The following SPMAP2 variants were observed in gnomAD, a reference collection of about 807,000 sequenced individuals.
The protein encoded by SPMAP2 is sperm microtubule associated protein 2.
chr19:372,669 C>A, the SPMAP2 span: 1 of 1,614,080 alleles, frequency 6.2e-7, no homozygotes, highest in Non-Finnish European at 8.5e-7. Context: ...ATCTCTTGGG[C>A]CGAGACAGTT....
At chr19:371,282 A>G in the SPMAP2 span, 1 of 1,512,794 alleles carries the variant, frequency 6.6e-7, no homozygotes. Context: ...GACGCTCTGT[A>G]TTCCAGGGAG....
the SPMAP2 span, chr19:362,461 C>G: frequency 1.3e-6 from 2 of 1,513,434 alleles, no homozygotes; most frequent in Non-Finnish European, 1.8e-6. Context: ...AGCACTGAAG[C>G]TCAAACCTCA....
chr19:369,663 G>A, the SPMAP2 span, among the ~76,000 whole-genome samples: 13 of 152,270 alleles, frequency 8.5e-5, no homozygotes, highest in Admixed American at 2.0e-4. Context: ...GCTTTTAATC[G>A]CCTGGTGCAG....
At chr19:366,849 C>G in the SPMAP2 span, among the ~76,000 whole-genome samples, 2 of 152,210 alleles carry the variant, frequency 1.3e-5, no homozygotes, top group Non-Finnish European at 2.9e-5. Flanking sequence ...TCTCTGGTTC[C>G]TGCTCTGCAC....
the SPMAP2 span, among the ~76,000 whole-genome samples, chr19:368,073 A>G: frequency 6.6e-5 from 10 of 152,060 alleles, no homozygotes; most frequent in African/African-American, 2.2e-4. This position sits in a 1 kb window ranked among gnomAD's most constrained non-coding sequence, Gnocchi z 4.1. Context: ...CCCCAAATCA[A>G]TTCTCAGCAG....
the SPMAP2 span, among the ~76,000 whole-genome samples, chr19:366,364 G>C: frequency 7.7e-3 from 1,167 of 152,264 alleles, 31 homozygotes; most frequent in East Asian, 0.079. Context: ...GTGCGTGCGT[G>C]TACCAGTGTA....
the SPMAP2 span, among the ~76,000 whole-genome samples, chr19:363,149 G>A: frequency 1.3e-5 from 2 of 152,178 alleles, no homozygotes; most frequent in African/African-American, 4.8e-5. Context: ...GCATAACCCT[G>A]TGACTGTACT....
chr19:362,272 G>C, the SPMAP2 span: 2 of 1,596,246 alleles, frequency 1.3e-6, no homozygotes, highest in Non-Finnish European at 1.7e-6. Flanking sequence ...TAGAGGCGAG[G>C]GGACGCCTGT....
chr19:375,501 C>T, the SPMAP2 span, among the ~76,000 whole-genome samples: 2 of 152,176 alleles, frequency 1.3e-5, no homozygotes, highest in East Asian at 3.9e-4. Context: ...CAAGCCCACA[C>T]CTAGGCTGAC....
the SPMAP2 span, chr19:374,233 C>T: frequency 6.3e-7 from 1 of 1,592,382 alleles, no homozygotes; most frequent in South Asian, 1.1e-5. Context: ...CAGGAGGAGC[C>T]CGGGAAGGGT....
At chr19:375,361 C>T in the SPMAP2 span, among the ~76,000 whole-genome samples, 1 of 152,170 alleles carries the variant, frequency 6.6e-6, no homozygotes, top group East Asian at 1.9e-4. Flanking sequence ...ACTCTGAACT[C>T]TGGGCACCTG....
At chr19:375,575 C>T in the SPMAP2 span, 1 of 1,363,746 alleles carries the variant, frequency 7.3e-7, no homozygotes. Context: ...ACCCTTTCGC[C>T]CGCCCAGGGG....
chr19:366,673 G>T, the SPMAP2 span, among the ~76,000 whole-genome samples: 1 of 152,186 alleles, frequency 6.6e-6, no homozygotes, highest in Non-Finnish European at 1.5e-5. Flanking sequence ...CAGGAAACTG[G>T]GAAAACGATA....
chr19:375,818 G>T, the SPMAP2 span: 3 of 1,607,918 alleles, frequency 1.9e-6, no homozygotes, highest in East Asian at 6.7e-5. Flanking sequence ...GCTCTGCATT[G>T]TCCAGGTCCT....
chr19:366,191 C>T, the SPMAP2 span, among the ~76,000 whole-genome samples: 3 of 151,970 alleles, frequency 2.0e-5, no homozygotes, highest in South Asian at 2.1e-4. Context: ...CTCAACCCTC[C>T]GTCATTCTCT....
At chr19:364,849 T>C in the SPMAP2 span, among the ~76,000 whole-genome samples, 1 of 152,102 alleles carries the variant, frequency 6.6e-6, no homozygotes, top group East Asian at 1.9e-4. Flanking sequence ...CCACCGAGTC[T>C]GGCATAGCAG....
chr19:374,844 G>A, the SPMAP2 span, among the ~76,000 whole-genome samples: 3 of 152,272 alleles, frequency 2.0e-5, no homozygotes, highest in African/African-American at 7.2e-5. Flanking sequence ...AAAGCTCACA[G>A]ACTGTGGGAG....
At chr19:374,408 T>C in the SPMAP2 span, 7 of 1,614,084 alleles carry the variant, frequency 4.3e-6, no homozygotes, top group South Asian at 7.7e-5. Context: ...AGCTTCTGGC[T>C]GATGGACAGC....
chr19:365,352 G>A, the SPMAP2 span, among the ~76,000 whole-genome samples: 2 of 152,238 alleles, frequency 1.3e-5, no homozygotes, highest in African/African-American at 4.8e-5. Context: ...GAAGAACCGT[G>A]CCCAGAGCCT....
Sources: gnomAD v4.1 joint callset for allele counts (sites outside exome capture counted in the v4.1 genomes callset) on GRCh38, gnomAD v4.1.1 for gene constraint, Gnocchi (gnomAD v3.1) non-coding constraint, MANE v1.5 for transcripts, NCBI Gene and HGNC (gene_info 2026-07-23, HGNC 2026-07-21) for gene names.